PCSK6: variants seen among roughly 807,000 people sequenced by gnomAD.
PCSK6 encodes paired basic amino acid cleaving enzyme 4.
PCSK6 carries 85 observed loss-of-function variants against 123.3 expected under a neutral mutation model. The ratio of observed to expected loss-of-function variants is 0.69; its 90% confidence interval spans 0.58 to 0.83. The LOEUF (loss-of-function observed/expected upper bound fraction) is 0.83, where lower values mean the gene tolerates loss of function less well. PCSK6 is among the 40% of genes least tolerant of loss of function. The probability of loss-of-function intolerance (pLI) is 0.00; values close to 1 mark genes in which losing one functional copy is unlikely to be tolerated. For missense variants in PCSK6, 1,191 were observed against 1,282.3 expected (o/e 0.93, Z 1.09); for synonymous variants, 508 against 516.0 (o/e 0.98, Z 0.21).
intron 11 of PCSK6, among the ~76,000 whole-genome samples, chr15:101,372,343 G>T (rs1244486391): frequency 6.6e-6 from 1 of 152,206 alleles, no homozygotes. Flanking sequence ...GAGTTACACT[G>T]CTTGGCTCTA....
At chr15:101,478,578 G>A (rs939226764) in intron 1 of PCSK6, among the ~76,000 whole-genome samples, 2 of 152,012 alleles carry the variant, frequency 1.3e-5, no homozygotes, top group East Asian at 3.9e-4. Context: ...TTGTTCTTCT[G>A]CCCACCAAGG....
chr15:101,316,910 G>GTTTTTTTTTT (rs57613156), intron 19 of PCSK6, among the ~76,000 whole-genome samples: 3,042 of 114,590 alleles, frequency 0.027, 333 homozygotes, highest in African/African-American at 0.046. Context: ...ACTTAATTCT[G>GTTTTTTTTTT]TTTTTTTTTT....
At chr15:101,430,208 G>T in intron 4 of PCSK6, 145 bp from the exon 5 acceptor site, 1 of 668,120 alleles carries the variant, frequency 1.5e-6, no homozygotes, top group East Asian at 2.8e-5. Flanking sequence ...CGTTTTTATC[G>T]TGGTAAAATA....
chr15:101,456,829 A>G (rs1335717429), intron 1 of PCSK6, among the ~76,000 whole-genome samples: 1 of 152,206 alleles, frequency 6.6e-6, no homozygotes, highest in Non-Finnish European at 1.5e-5. Flanking sequence ...GTAGCAATGA[A>G]GGGACCCCAG....
intron 9 of PCSK6, among the ~76,000 whole-genome samples, chr15:101,388,593 G>C (rs1395582276): frequency 6.6e-6 from 1 of 152,228 alleles, no homozygotes; most frequent in Non-Finnish European, 1.5e-5. Context: ...TGGATTTGCT[G>C]TGAGGTGCAG....
chr15:101,307,493 T>C (rs1276230302), intron 20 of PCSK6, 168 bp from the exon 21 acceptor site: 4 of 593,554 alleles, frequency 6.7e-6, no homozygotes, highest in Non-Finnish European at 1.2e-5. Flanking sequence ...GCTGAGTGTC[T>C]GCATGTCTTT....
rs368982303 is a variant in PCSK6, at chr15:101,339,335, C to G, written c.1859-7304G>C. Among the ~76,000 whole-genome samples the G allele has an allele frequency of 4.6e-5, 7 of 152,198 alleles. No homozygotes were observed. The East Asian group carries it at 9.7e-4, about 21-fold the overall frequency. ...ATTGAAACACAGTGAAGTAAGAGAGCCCTAGAAAAATCACGTAAATATGTT... is the reference window on the plus strand; with the variant it reads ...ATTGAAACACAGTGAAGTAAGAGAGGCCTAGAAAAATCACGTAAATATGTT... On this transcript the variant is annotated intron_variant, in intron 13 of 21. Coordinates refer to ENST00000611716, the MANE Select transcript of PCSK6 (RefSeq NM_002570.5).
chr15:101,348,398 A>G (rs150517156), intron 13 of PCSK6, among the ~76,000 whole-genome samples: 1 of 152,346 alleles, frequency 6.6e-6, no homozygotes, highest in African/African-American at 2.4e-5. Flanking sequence ...ATCAAAATAC[A>G]TGCTTCGAGG....
chr15:101,451,037 C>A (rs375277671), intron 1 of PCSK6, among the ~76,000 whole-genome samples: 1 of 151,506 alleles, frequency 6.6e-6, no homozygotes, highest in African/African-American at 2.4e-5. Context: ...GGAACCCTCA[C>A]GAGGGGAAAG....
chr15:101,317,780 C>T (rs1323554488), intron 19 of PCSK6, among the ~76,000 whole-genome samples: 7 of 152,168 alleles, frequency 4.6e-5, no homozygotes, highest in African/African-American at 1.7e-4. Context: ...CCTCAGGCTG[C>T]GTGTTCAAAG....
intron 13 of PCSK6, among the ~76,000 whole-genome samples, chr15:101,364,173 C>CG (rs997828472): frequency 7.2e-4 from 109 of 152,098 alleles, no homozygotes; most frequent in African/African-American, 2.6e-3. Flanking sequence ...AAGGTTCTCA[C>CG]GCACTCCCAG....
chr15:101,370,606 A>C, intron 11 of PCSK6, 83 bp from the exon 12 acceptor site: 1 of 1,272,754 alleles, frequency 7.9e-7, no homozygotes, highest in South Asian at 2.0e-5. Context: ...GCGCCCGTCC[A>C]CTCTATCCCC....
chr15:101,366,749 G>A (rs2041406034), intron 12 of PCSK6, among the ~76,000 whole-genome samples: 2 of 152,212 alleles, frequency 1.3e-5, no homozygotes, highest in Admixed American at 1.3e-4. Flanking sequence ...AAAGCAGACA[G>A]GGGCGGGGGT....
intron 2 of PCSK6, among the ~76,000 whole-genome samples, chr15:101,432,504 C>T (rs1359645635): frequency 1.1e-4 from 17 of 151,288 alleles, no homozygotes; most frequent in Admixed American, 1.1e-3. Flanking sequence ...TGGCGCATGC[C>T]TGTAGTCCCA....
intron 9 of PCSK6, among the ~76,000 whole-genome samples, chr15:101,385,620 T>C (rs997697661): frequency 6.6e-6 from 1 of 152,234 alleles, no homozygotes; most frequent in Non-Finnish European, 1.5e-5. Flanking sequence ...TTCGATGAAA[T>C]ATAGTATTTT....
chr15:101,347,072 T>A, intron 13 of PCSK6: 1 of 1,231,764 alleles, frequency 8.1e-7, no homozygotes, highest in Non-Finnish European at 1.0e-6. Context: ...TTGGAGAGTG[T>A]GCCAAGTTCT....
chr15:101,389,980 A>C (rs2042178098), intron 8 of PCSK6, among the ~76,000 whole-genome samples: 1 of 152,180 alleles, frequency 6.6e-6, no homozygotes. Context: ...AAACCATCAG[A>C]GTCCACACTA....
intron 11 of PCSK6, among the ~76,000 whole-genome samples, chr15:101,371,469 AAT>A (rs1174228117): frequency 6.6e-6 from 1 of 152,254 alleles, no homozygotes; most frequent in Non-Finnish European, 1.5e-5. Context: ...CAAACAAACA[AAT>A]AAAAAATCCC....
Position 101,489,424 on chromosome 15 carries a change from C to G in PCSK6, c.247G>C (p.Ala83Pro). Residue 83 changes from alanine (A) to proline (P), a missense_variant, in exon 1 of 22, where the codon GCC (alanine) becomes CCC (proline). Ala to Pro is a conservative substitution (Grantham distance 27). This residue lies in a region of PCSK6 where 204 missense variants were observed against 166.4 expected (regional missense o/e 1.23). Transcript: ENST00000611716. ...HWAVQVLGGP[A>P]EADRVAAAHG... Reference sequence around the variant, plus strand: ...GCCGCCGCCACGCGGTCCGCCTCGGCCGGGCCGCCCAGCACTTGCACCGCC... The same window carrying G: ...GCCGCCGCCACGCGGTCCGCCTCGGGCGGGCCGCCCAGCACTTGCACCGCC... 1 of 1,281,020 alleles carries G rather than the reference C, an allele frequency of 7.8e-7. No individual in the cohort carries two copies. The highest frequency in any genetic ancestry group is 1.5e-5 in the South Asian group (1 of 66,522). The allele number at this position is 1,281,020 out of a possible 1,614,324, so 79.4% of individuals were successfully genotyped here.
Sources: allele counts gnomAD v4.1 joint callset (sites outside exome capture counted in the v4.1 genomes callset), GRCh38; gene constraint gnomAD v4.1.1; regional missense constraint gnomAD v4.1.1; transcripts MANE v1.5; gene names NCBI Gene and HGNC (gene_info 2026-07-23, HGNC 2026-07-21).